Variants in PARD3 observed in about 807,000 individuals in gnomAD.
The protein encoded by PARD3 is par-3 family cell polarity regulator.
In PARD3, 75 loss-of-function variants were observed where a neutral mutation model predicts 155.4. The ratio of observed to expected loss-of-function variants is 0.48; its 90% confidence interval spans 0.40 to 0.58. The LOEUF is 0.58. Among genes scored for constraint, PARD3 ranks in the 20% least tolerant of loss-of-function variants. PARD3 has a pLI of 0.00. For missense variants in PARD3, 1,642 were observed against 1,721.7 expected (o/e 0.95, Z 0.82); for synonymous variants, 576 against 610.5 (o/e 0.94, Z 0.83).
chr10:34,535,433 C>T (rs547467240), intron 2 of PARD3, among the ~76,000 whole-genome samples: 33 of 152,122 alleles, frequency 2.2e-4, no homozygotes, highest in South Asian at 4.2e-4. Flanking sequence ...TCTTCCATGA[C>T]GAAGAACAGT....
chr10:34,401,306 T>G (rs1843856436), intron 6 of PARD3, among the ~76,000 whole-genome samples: 1 of 152,158 alleles, frequency 6.6e-6, no homozygotes, highest in African/African-American at 2.4e-5. Flanking sequence ...ATTTTCAAGG[T>G]CCCTAACCTA....
intron 3 of PARD3, among the ~76,000 whole-genome samples, chr10:34,510,184 T>C (rs1003012228): frequency 5.3e-5 from 8 of 152,170 alleles, no homozygotes; most frequent in African/African-American, 1.9e-4. Flanking sequence ...AAATATGAAA[T>C]TCTAAGCAAT....
intron 2 of PARD3, among the ~76,000 whole-genome samples, chr10:34,568,267 G>A (rs893297074): frequency 4.6e-5 from 7 of 152,170 alleles, no homozygotes; most frequent in East Asian, 1.9e-4. Flanking sequence ...CTACAAGTGT[G>A]GTTGAAGTTT....
intron 1 of PARD3, among the ~76,000 whole-genome samples, chr10:34,699,401 G>C (rs1430056243): frequency 6.6e-6 from 1 of 152,010 alleles, no homozygotes; most frequent in South Asian, 2.1e-4. Flanking sequence ...TTAAAAACCA[G>C]GAAGGATATT....
chr10:34,212,168 A>T (rs1469482398), intron 22 of PARD3, among the ~76,000 whole-genome samples: 4 of 152,074 alleles, frequency 2.6e-5, no homozygotes, highest in Non-Finnish European at 5.9e-5. Context: ...CTATCAGGTG[A>T]TCCATGCTGG....
intron 2 of PARD3, among the ~76,000 whole-genome samples, chr10:34,548,345 A>AC (rs2084271670): frequency 2.0e-5 from 3 of 151,304 alleles, no homozygotes; most frequent in Admixed American, 1.3e-4. Context: ...ACACACACAC[A>AC]AAAAAAAGCC....
intron 20 of PARD3, among the ~76,000 whole-genome samples, chr10:34,308,582 G>A (rs1290534970): frequency 4.6e-5 from 7 of 152,284 alleles, no homozygotes; most frequent in Middle Eastern, 6.8e-3. Context: ...GGGAAGGCTC[G>A]CGGGAGCAGT....
chr10:34,508,615 G>C (rs1200508513), intron 3 of PARD3, among the ~76,000 whole-genome samples: 2 of 152,144 alleles, frequency 1.3e-5, no homozygotes, highest in Non-Finnish European at 2.9e-5. Flanking sequence ...ATTTGCACCT[G>C]AACTGTGTGA....
At chr10:34,264,994 T>C (rs1433367647) in intron 22 of PARD3, among the ~76,000 whole-genome samples, 4 of 152,192 alleles carry the variant, frequency 2.6e-5, no homozygotes, top group Non-Finnish European at 5.9e-5. Context: ...CAAGCAATCC[T>C]CTTGCCTTGG....
intron 3 of PARD3, among the ~76,000 whole-genome samples, chr10:34,471,855 G>A (rs115280338): frequency 3.3e-5 from 5 of 152,106 alleles, no homozygotes; most frequent in African/African-American, 4.8e-5. Flanking sequence ...CACCACGTCC[G>A]GTCTAATGAC....
At chr10:34,472,873 ATGATTT>A (rs1448092845) in intron 3 of PARD3, among the ~76,000 whole-genome samples, 77 of 152,360 alleles carry the variant, frequency 5.1e-4, no homozygotes, top group African/African-American at 1.6e-3. Context: ...CATTGCATAC[ATGATTT>A]TGATTAAATA....
chr10:34,385,039 G>C (rs1421880573), intron 7 of PARD3, among the ~76,000 whole-genome samples: 1 of 152,214 alleles, frequency 6.6e-6, no homozygotes, highest in East Asian at 1.9e-4. Flanking sequence ...ATTCTATACA[G>C]ACTGGGACAA....
At chr10:34,614,316 G>A (rs984570406) in intron 2 of PARD3, among the ~76,000 whole-genome samples, 2 of 152,134 alleles carry the variant, frequency 1.3e-5, no homozygotes, top group Non-Finnish European at 2.9e-5. Flanking sequence ...CAGAGCAGAA[G>A]CTCTGGAAAC....
chr10:34,273,031 G>A (rs1254317747), intron 21 of PARD3, among the ~76,000 whole-genome samples: 1 of 152,108 alleles, frequency 6.6e-6, no homozygotes. Context: ...ATTTAAAATG[G>A]TACTGTCACC....
At chr10:34,688,342 A>G (rs935012786) in intron 2 of PARD3, among the ~76,000 whole-genome samples, 19 of 152,376 alleles carry the variant, frequency 1.2e-4, no homozygotes, top group East Asian at 9.6e-4. Flanking sequence ...GAAGGTCCTC[A>G]AATAATAAAT....
At chr10:34,287,189 T>A (rs1956440867) in intron 20 of PARD3, among the ~76,000 whole-genome samples, 1 of 152,136 alleles carries the variant, frequency 6.6e-6, no homozygotes, top group Non-Finnish European at 1.5e-5. Context: ...CACTGAGGCA[T>A]CTCCAAGTAT....
In PARD3 at chr10:34,725,506, T is replaced by TATTCG. The variant is rs1564549991; in HGVS notation, c.121-29088_121-29087insCGAAT. 2.6e-5 allele frequency among the ~76,000 whole-genome samples: 4 copies of TATTCG among 152,064 alleles called. No individual in the cohort carries two copies. The East Asian group carries it at 7.7e-4, about 29-fold the overall frequency. On this transcript the variant is annotated intron_variant, in intron 1 of 24. Coordinates refer to ENST00000374788, the MANE Select transcript of PARD3 (RefSeq NM_001184785.2). ...ATAGCTCAAGGCATTCAGTCACTGC[T>TATTCG]AAGTATTCGTTGCCATTCTGATAAG...
intron 19 of PARD3, among the ~76,000 whole-genome samples, chr10:34,320,698 A>G (rs1958318769): frequency 6.6e-6 from 1 of 152,238 alleles, no homozygotes; most frequent in African/African-American, 2.4e-5. Context: ...ATAAAGTAGT[A>G]TGAAATCAAT....
intron 1 of PARD3, among the ~76,000 whole-genome samples, chr10:34,700,200 G>A (rs2094248906): frequency 6.6e-6 from 1 of 152,310 alleles, no homozygotes. Flanking sequence ...ACCCACCGAA[G>A]AAACCTGGAG....
Sources: allele counts gnomAD v4.1 joint callset (sites outside exome capture counted in the v4.1 genomes callset), GRCh38; gene constraint gnomAD v4.1.1; transcripts MANE v1.5; gene names NCBI Gene and HGNC (gene_info 2026-07-23, HGNC 2026-07-21).